The following THOC2 variants were observed in gnomAD, a reference collection of about 807,000 sequenced individuals.
The protein encoded by THOC2 is THO complex 2.
Under a neutral mutation model 128.4 loss-of-function variants are expected in THOC2, and 10 were observed. The observed-to-expected ratio is 0.08, with a 90% confidence interval of 0.05 to 0.13. The LOEUF is 0.13. Ranked by LOEUF, THOC2 falls within the 10% of genes least tolerant of loss-of-function variation. THOC2 has a pLI of 1.00. For missense variants in THOC2, 535 were observed against 1,155.7 expected, an observed-to-expected ratio of 0.46 and a Z score of 7.79; for synonymous variants, 393 against 396.9, an observed-to-expected ratio of 0.99 and a Z score of 0.12.
chrX:123,709,453 T>C (rs2051089476), intron 2 of THOC2, among the ~76,000 whole-genome samples: 1 of 109,830 alleles, frequency 9.1e-6, no homozygotes, highest in Non-Finnish European at 1.9e-5. Flanking sequence ...TAGCCGGGCG[T>C]GGTGGCGGGC....
rs2047495061 is a variant in THOC2 at position 123,631,804 on chromosome X, T to C, written c.2365A>G (p.Ser789Gly). Reference sequence around the variant, plus strand: ...ACTCGCTTTATATAATCTTCTGTGCTCAGATTAGATGCTAAAAACCCACCA... The same window carrying C: ...ACTCGCTTTATATAATCTTCTGTGCCCAGATTAGATGCTAAAAACCCACCA... ...QFGGFLASNLSTEDYIKRVPS... is the reference protein window; with the variant it reads ...QFGGFLASNLGTEDYIKRVPS... The change falls in exon 22 of 39, where the codon AGC becomes GGC. Residue 789 changes from serine (S) to glycine (G), a missense_variant. This residue lies in a region of THOC2 where 90 missense variants were observed against 298.6 expected (regional missense o/e 0.30). Coordinates refer to ENST00000245838, the MANE Select transcript of THOC2 (RefSeq NM_001081550.2). 8.3e-7 allele frequency: 1 copy of C among 1,205,903 alleles called. No individual in the cohort carries two copies. Among genetic ancestry groups the C allele is most frequent in the Non-Finnish European group, 1.1e-6 (1 of 893,026 alleles).
At chrX:123,683,901 A>T (rs184619829) in intron 8 of THOC2, among the ~76,000 whole-genome samples, 2 of 111,520 alleles carry the variant, frequency 1.8e-5, no homozygotes, top group East Asian at 5.6e-4. Context: ...CGCCTGGCCC[A>T]TAAGACAGTT....
At chrX:123,644,507 T>C in intron 15 of THOC2, 68 bp downstream of exon 15, 1 of 830,988 alleles carries the variant, frequency 1.2e-6, no homozygotes, top group Non-Finnish European at 1.7e-6. Flanking sequence ...TCAGACAAGC[T>C]ACCTGAAAGA....
intron 15 of THOC2, among the ~76,000 whole-genome samples, chrX:123,642,785 A>G (rs2047977232): frequency 1.8e-5 from 2 of 110,347 alleles, no homozygotes; most frequent in Admixed American, 2.0e-4. Context: ...ATTGGCTTGC[A>G]TATACATAAG....
intron 3 of THOC2, among the ~76,000 whole-genome samples, chrX:123,704,161 G>A (rs977570121): frequency 2.7e-5 from 3 of 111,582 alleles, no homozygotes; most frequent in East Asian, 2.8e-4. Context: ...TAGAAATCAC[G>A]TGAATTTAGA....
chrX:123,645,121 A>C (rs899446626), intron 13 of THOC2, among the ~76,000 whole-genome samples: 4 of 112,357 alleles, frequency 3.6e-5, no homozygotes, highest in Non-Finnish European at 5.6e-5. Flanking sequence ...CAAAGGAATG[A>C]GGAACTTTTA....
chrX:123,694,621 A>G (rs5910033), intron 7 of THOC2, among the ~76,000 whole-genome samples: 42 of 49,508 alleles, frequency 8.5e-4, no homozygotes, highest in Non-Finnish European at 1.8e-3. Flanking sequence ...AAAAAAAAAG[A>G]AAAAAAAAAG....
rs779051398 is a variant in THOC2, at chrX:123,663,679, G to T, written c.1386+1963C>A. Among the ~76,000 whole-genome samples, 4 of 108,511 alleles carry T rather than the reference G, an allele frequency of 3.7e-5. No homozygotes were observed. The South Asian group carries it at 1.6e-3, about 44-fold the overall frequency. 94.2% of individuals were successfully genotyped at this position (108,511 alleles called of 115,157 possible). A position where few individuals can be genotyped will look rare whatever the true frequency, so the allele number is the denominator to read the frequency against. ...GTACATGTGCACAATGTGCAGGTTG[G>T]TTACATATGTATACATGTGCCATGT... On this transcript the variant is annotated intron_variant, in intron 12 of 38. Coordinates refer to ENST00000245838, the MANE Select transcript of THOC2 (RefSeq NM_001081550.2).
At chrX:123,663,531 A>ATT (rs201878448) in intron 12 of THOC2, among the ~76,000 whole-genome samples, 10 of 83,249 alleles carry the variant, frequency 1.2e-4, no homozygotes, top group African/African-American at 3.0e-4. Flanking sequence ...CTCAAAGCTG[A>ATT]TTTTTTTAAA....
chrX:123,662,181 G>A (rs1315186346), intron 12 of THOC2, among the ~76,000 whole-genome samples: 3 of 111,682 alleles, frequency 2.7e-5, no homozygotes. Context: ...TGTCTAGATG[G>A]TTTTTTTAGT....
chrX:123,637,630 C>T (rs1303912473), intron 18 of THOC2, among the ~76,000 whole-genome samples: 4 of 110,582 alleles, frequency 3.6e-5, no homozygotes, highest in Middle Eastern at 4.2e-3. Flanking sequence ...CGTGGTGGCG[C>T]GTGCCTGTAA....
At chrX:123,693,176 A>T (rs2050299802) in intron 7 of THOC2, among the ~76,000 whole-genome samples, 1 of 112,575 alleles carries the variant, frequency 8.9e-6, no homozygotes, top group South Asian at 3.7e-4. Context: ...AGTTTCATTC[A>T]GGCCGTGTCC....
chrX:123,618,943 T>C (rs748285691), intron 33 of THOC2, among the ~76,000 whole-genome samples: 77 of 112,156 alleles, frequency 6.9e-4, no homozygotes, highest in Non-Finnish European at 1.3e-3. Context: ...AGAATTTTTA[T>C]AGATTGAGAT....
At chrX:123,662,582 C>T (rs1401484740) in intron 12 of THOC2, among the ~76,000 whole-genome samples, 3 of 74,788 alleles carry the variant, frequency 4.0e-5, no homozygotes, top group African/African-American at 1.1e-4. Flanking sequence ...AGCGAGACTC[C>T]GTCTCAAAAA....
intron 22 of THOC2, among the ~76,000 whole-genome samples, chrX:123,630,819 C>T (rs2047452934): frequency 9.0e-6 from 1 of 110,912 alleles, no homozygotes; most frequent in African/African-American, 3.3e-5. Flanking sequence ...TCCAGCACAA[C>T]CACAAGATTG....
At chrX:123,724,545 C>T (rs949425994) in intron 1 of THOC2, among the ~76,000 whole-genome samples, 4 of 109,479 alleles carry the variant, frequency 3.7e-5, no homozygotes, top group East Asian at 2.9e-4. Context: ...ATTAGCTGGA[C>T]GCAGTGGTGC....
intron 1 of THOC2, among the ~76,000 whole-genome samples, chrX:123,731,330 T>C (rs1347523233): frequency 9.0e-6 from 1 of 111,309 alleles, no homozygotes; most frequent in Non-Finnish European, 1.9e-5. Flanking sequence ...GGGCATGTGT[T>C]AAACCAAAAG....
chrX:123,713,398 C>G (rs1240135387), intron 1 of THOC2, among the ~76,000 whole-genome samples: 1 of 107,530 alleles, frequency 9.3e-6, no homozygotes, highest in Non-Finnish European at 1.9e-5. Flanking sequence ...TTGCTTGAAC[C>G]CAGGAGGCAG....
At chrX:123,647,341 T>C (rs185809473) in intron 12 of THOC2, among the ~76,000 whole-genome samples, 2 of 112,341 alleles carry the variant, frequency 1.8e-5, no homozygotes, top group African/African-American at 6.5e-5. Flanking sequence ...ATTTGCTTTT[T>C]AATTCAAAGC....
Sources: gnomAD v4.1 joint callset for allele counts (sites outside exome capture counted in the v4.1 genomes callset) on GRCh38, gnomAD v4.1.1 for gene constraint, gnomAD v4.1.1 regional missense constraint, MANE v1.5 for transcripts, NCBI Gene and HGNC (gene_info 2026-07-23, HGNC 2026-07-21) for gene names.